Variants in MYO16 observed in about 807,000 individuals in gnomAD.
MYO16 encodes the protein unconventional myosin-XVI.
Under a neutral mutation model 205.3 loss-of-function variants are expected in MYO16, and 94 were observed. The ratio of observed to expected loss-of-function variants is 0.46; its 90% CI spans 0.39 to 0.54. The LOEUF is 0.54. MYO16 is among the 20% of genes least tolerant of loss of function. The pLI, the probability that MYO16 is intolerant of heterozygous loss-of-function variation, is 0.00. For synonymous variants in MYO16, 988 were observed against 954.0 expected (o/e 1.04, Z -0.66); for missense variants, 2,315 against 2,387.5 (o/e 0.97, Z 0.63).
At chr13:108,503,131 T>C in the MYO16 span, among the ~76,000 whole-genome samples, 1 of 152,198 alleles carries the variant, frequency 6.6e-6, no homozygotes, top group African/African-American at 2.4e-5. Flanking sequence ...GTTTCCCTAA[T>C]ATATAATATA....
At chr13:109,019,613 G>A in intron 22 of MYO16, 98 bp from the exon 23 acceptor site, 1 of 922,970 alleles carries the variant, frequency 1.1e-6, no homozygotes, top group South Asian at 1.7e-5. Flanking sequence ...GTGTCTATAT[G>A]AATCTAACAA....
At chr13:108,522,945 T>C in the MYO16 span, among the ~76,000 whole-genome samples, 1 of 152,224 alleles carries the variant, frequency 6.6e-6, no homozygotes, top group East Asian at 1.9e-4. Context: ...AGGTCTTCAA[T>C]ATATGAACTT....
At chr13:108,683,166 A>G (rs1164093684) in intron 2 of MYO16, among the ~76,000 whole-genome samples, 1 of 152,182 alleles carries the variant, frequency 6.6e-6, no homozygotes, top group African/African-American at 2.4e-5. Context: ...GCCTACAGGC[A>G]TTTTATCTGT....
rs749718297 is a variant in MYO16, at chr13:108,806,695, C to T, written c.758C>T (p.Ala253Val). 6 of 1,612,538 alleles carry T rather than the reference C, an allele frequency of 3.7e-6. No individual in the cohort carries two copies. The highest frequency in any genetic ancestry group is 2.7e-5 in the African/African-American group (2 of 74,848). ...TCGCTGCAGTTACACATGGCGTGTGCGAGTGGCTACAAGGAGGTGGTGTCT... is the reference window on the plus strand; with the variant it reads ...TCGCTGCAGTTACACATGGCGTGTGTGAGTGGCTACAAGGAGGTGGTGTCT... ...EGVTLLHMAC[A>V]SGYKEVVSLI... is the part of the protein sequence containing the mutation. The change falls in exon 7 of 35, where the codon GCG becomes GTG. Residue 253 changes from alanine (A) to valine (V), a missense_variant. Transcript: ENST00000457511.
intron 22 of MYO16, among the ~76,000 whole-genome samples, chr13:109,015,762 G>A (rs1885790181): frequency 6.6e-6 from 1 of 152,148 alleles, no homozygotes; most frequent in South Asian, 2.1e-4. Flanking sequence ...GTTGTTTATA[G>A]TATTCTCTGA....
intron 22 of MYO16, among the ~76,000 whole-genome samples, chr13:109,016,985 G>T (rs1025865797): frequency 6.6e-6 from 1 of 152,116 alleles, no homozygotes; most frequent in African/African-American, 2.4e-5. Context: ...ATATTGTCAT[G>T]TGTGAATTTG....
At chr13:108,843,641 T>A (rs115648708) in intron 9 of MYO16, among the ~76,000 whole-genome samples, 1 of 152,196 alleles carries the variant, frequency 6.6e-6, no homozygotes, top group Non-Finnish European at 1.5e-5. Flanking sequence ...GGTAACAATT[T>A]AGGAGGCACA....
chr13:108,846,578 G>A (rs1469292400), intron 10 of MYO16, among the ~76,000 whole-genome samples: 1 of 151,652 alleles, frequency 6.6e-6, no homozygotes, highest in African/African-American at 2.4e-5. Flanking sequence ...ATATTACATT[G>A]TAGGATTCTA....
At chr13:108,775,489 T>C (rs1886094543) in intron 4 of MYO16, among the ~76,000 whole-genome samples, 1 of 150,952 alleles carries the variant, frequency 6.6e-6, no homozygotes, top group Admixed American at 6.7e-5. Flanking sequence ...AGATTTGCTA[T>C]GCCTGAGTGG....
At chr13:108,714,875 T>C (rs965309696) in intron 3 of MYO16, among the ~76,000 whole-genome samples, 3 of 152,088 alleles carry the variant, frequency 2.0e-5, no homozygotes, top group Non-Finnish European at 2.9e-5. Flanking sequence ...ACCACCACCA[T>C]CTCTCATCCC....
chr13:108,989,050 T>C (rs540591479), intron 20 of MYO16, among the ~76,000 whole-genome samples: 1 of 152,298 alleles, frequency 6.6e-6, no homozygotes, highest in East Asian at 1.9e-4. Flanking sequence ...AATTAGAAAA[T>C]GCCCAAATAT....
intron 4 of MYO16, among the ~76,000 whole-genome samples, chr13:108,774,035 G>T (rs1343487055): frequency 1.3e-5 from 2 of 152,044 alleles, no homozygotes; most frequent in African/African-American, 4.8e-5. Context: ...AGGTTGCAGT[G>T]ACCCGAGATT....
chr13:109,192,560 AT>A (rs1879967132), intron 34 of MYO16, among the ~76,000 whole-genome samples: 1 of 152,138 alleles, frequency 6.6e-6, no homozygotes, highest in African/African-American at 2.4e-5. Context: ...GTGTCCCAGT[AT>A]CCCTTGTGGT....
intron 31 of MYO16, among the ~76,000 whole-genome samples, chr13:109,138,257 G>A (rs1411700064): frequency 6.6e-6 from 1 of 152,160 alleles, no homozygotes; most frequent in African/African-American, 2.4e-5. Flanking sequence ...AATAACTCAA[G>A]AACTCAACAA....
At chr13:108,589,820 T>C in the MYO16 span, among the ~76,000 whole-genome samples, 1 of 152,176 alleles carries the variant, frequency 6.6e-6, no homozygotes, top group East Asian at 1.9e-4. Context: ...GCAAGAATAG[T>C]TCAAAAACAG....
chr13:108,917,553 C>T (rs1881551311), intron 16 of MYO16, among the ~76,000 whole-genome samples: 1 of 152,152 alleles, frequency 6.6e-6, no homozygotes, highest in South Asian at 2.1e-4. Context: ...CATACAGGAC[C>T]ATCAATAGTG....
In MYO16 at chr13:108,806,625, G is replaced by A. The variant is rs1003314653; in HGVS notation, c.742-54G>A. ...CTCTCTTTAAACCACTGAGTGAACT[G>A]CATGAATATCACTACTTTAAAAAAA... is the stretch of plus-strand genomic sequence containing the variant. On this transcript the variant is annotated intron_variant, in intron 6 of 34. Coordinates refer to ENST00000457511, the MANE Select transcript of MYO16 (RefSeq NM_001198950.3). 3.2e-6 allele frequency: 5 copies of A among 1,545,530 alleles called. No individual in the cohort carries two copies. In the Admixed American group the frequency reaches 8.5e-5, roughly 26 times the overall value.
At position 108,863,928 on chromosome 13, in the gene MYO16, T is replaced by C. The variant is rs142393824; in HGVS notation, c.1360-2249T>C. 2.7e-3 allele frequency among the ~76,000 whole-genome samples: 407 copies of C among 152,294 alleles called. 1 individual carries two copies. The Middle Eastern group carries it at 0.031, about 11-fold the overall frequency. On this transcript the variant is annotated intron_variant, in intron 11 of 34. Transcript: ENST00000457511. ...ATGATGTATTTTCCTAGGATTGTTGTCTACTTGACCTTAATTTCTAAATTT... is the reference window on the plus strand; with the variant it reads ...ATGATGTATTTTCCTAGGATTGTTGCCTACTTGACCTTAATTTCTAAATTT...
At chr13:108,893,872 A>G (rs150481824) in intron 14 of MYO16, among the ~76,000 whole-genome samples, 5 of 152,292 alleles carry the variant, frequency 3.3e-5, no homozygotes, top group African/African-American at 1.2e-4. Flanking sequence ...GGTCATTTGG[A>G]TCAGCAGTTG....
Sources: allele counts gnomAD v4.1 joint callset (sites outside exome capture counted in the v4.1 genomes callset), GRCh38; gene constraint gnomAD v4.1.1; transcripts MANE v1.5; gene names NCBI Gene and HGNC (gene_info 2026-07-23, HGNC 2026-07-21).